UTP25: variants seen among roughly 807,000 people sequenced by gnomAD.
UTP25 encodes the protein UTP25 small subunit processome component, also known as U3 small nucleolar RNA-associated protein 25 homolog.
In UTP25, 50 loss-of-function variants were observed where a neutral mutation model predicts 78.9. The ratio of observed to expected loss-of-function variants is 0.63; its 90% CI spans 0.50 to 0.80. The LOEUF (loss-of-function observed/expected upper bound fraction) is 0.80, where lower values mean the gene tolerates loss of function less well. UTP25 is among the 30% of genes least tolerant of loss of function. UTP25 has a pLI of 0.00. For missense variants in UTP25, 846 were observed against 911.3 expected (o/e 0.93, Z 0.92); for synonymous variants, 329 against 336.5 (o/e 0.98, Z 0.24).
rs759923130 is a variant in UTP25 at position 209,830,760 on chromosome 1, A to G, written c.148-43A>G. The G allele has an allele frequency of 3.1e-6, 5 of 1,599,148 alleles. No homozygotes were observed. In the Admixed American group the frequency reaches 6.9e-5, roughly 22 times the overall value. ...ATGATAGTTTTAGGGTAACAATAAG[A>G]ACAATATAGTTTTTGTTCTTAAAAT... is the stretch of plus-strand genomic sequence containing the variant. On this transcript the variant is annotated intron_variant, in intron 2 of 11. Transcript: ENST00000491415.
chr1:209,828,661 C>T (rs2078084637), intron 1 of UTP25, among the ~76,000 whole-genome samples: 1 of 151,744 alleles, frequency 6.6e-6, no homozygotes, highest in South Asian at 2.1e-4. Flanking sequence ...ACCTCGGCCT[C>T]CCAAAGTGCT....
At chr1:209,840,379 G>A (rs939708114) in intron 7 of UTP25, among the ~76,000 whole-genome samples, 1 of 152,210 alleles carries the variant, frequency 6.6e-6, no homozygotes, top group Non-Finnish European at 1.5e-5. Context: ...AAAAGTGAGA[G>A]TTGAAGTCAT....
At chr1:209,836,224 C>A (rs368127718) in intron 5 of UTP25, among the ~76,000 whole-genome samples, 25 of 152,056 alleles carry the variant, frequency 1.6e-4, no homozygotes, top group African/African-American at 5.5e-4. Context: ...TAATTTATTT[C>A]TTTTTATTGC....
Position 209,840,878 on chromosome 1 carries a change from C to T in UTP25, c.1308C>T (p.Ile436=), listed in dbSNP as rs574677839. ...GAGTGGCAATACTTCAGAGAAGCAT[C>T]CGACTCTATGCCCCGTTTTACTCCT... is the stretch of plus-strand genomic sequence containing the variant. ...RIGVAILQRS[I]RLYAPFYSSD... The change falls in exon 8 of 12, where the codon ATC becomes ATT. Residue 436 remains isoleucine (I), a synonymous_variant. Coordinates refer to ENST00000491415, the MANE Select transcript of UTP25 (RefSeq NM_014388.7). 6.2e-7 allele frequency: 1 copy of T among 1,612,780 alleles called. No individual in the cohort carries two copies. The highest frequency in any genetic ancestry group is 1.1e-5 in the South Asian group (1 of 91,022).
intron 1 of UTP25, among the ~76,000 whole-genome samples, chr1:209,828,693 C>A (rs978024343): frequency 1.3e-5 from 2 of 151,228 alleles, no homozygotes; most frequent in African/African-American, 2.4e-5. Context: ...CGTGAGCCAC[C>A]GCGCCCAGCT....
chr1:209,847,138 C>T (rs760849657), intron 11 of UTP25, among the ~76,000 whole-genome samples: 3 of 151,592 alleles, frequency 2.0e-5, no homozygotes, highest in Non-Finnish European at 2.9e-5. Context: ...TAAAAAAATT[C>T]AAAGACTAAC....
chr1:209,853,601 G>C lies in UTP25; in HGVS notation c.*2154G>C, dbSNP rs2078253959. ...TCAAACTCTTGACCTCAAGTGATCTGCCCACCTCAGCCTCCCAAAGTGCTG... is the reference window on the plus strand; with the variant it reads ...TCAAACTCTTGACCTCAAGTGATCTCCCCACCTCAGCCTCCCAAAGTGCTG... On this transcript the variant is annotated 3_prime_UTR_variant, in exon 12 of 12. Transcript: ENST00000491415. 6.6e-6 allele frequency: 1 copy of C among 152,170 alleles called. No individual in the cohort carries two copies. Among genetic ancestry groups the C allele is most frequent in the Non-Finnish European group, 1.5e-5 (1 of 68,074 alleles). The allele number at this position is 152,170 out of a possible 1,614,324, so 9.4% of individuals were successfully genotyped here.
chr1:209,849,911 G>C (rs1262126679), intron 11 of UTP25, among the ~76,000 whole-genome samples: 1 of 152,202 alleles, frequency 6.6e-6, no homozygotes, highest in African/African-American at 2.4e-5. Context: ...TCCATGGTGA[G>C]CTGAAGCTGG....
chr1:209,830,946 C>T lies in UTP25; in HGVS notation c.291C>T (p.Asp97=). Residue 97 remains aspartate, a synonymous_variant, in exon 3 of 12, where the codon GAC becomes GAT. Coordinates refer to ENST00000491415, the MANE Select transcript of UTP25 (RefSeq NM_014388.7). ...ATGAGGAGGAGGAAGAGGAAGAAGA[C>T]AGTATTGTAGATGATGCAGAAATGA... ...EEDEEEEEEE[D]SIVDDAEMND... 6.2e-7 allele frequency: 1 copy of T among 1,613,612 alleles called. No individual in the cohort carries two copies. The highest frequency in any genetic ancestry group is 8.5e-7 in the Non-Finnish European group (1 of 1,179,580).
chr1:209,848,824 T>G (rs978886435), intron 11 of UTP25, among the ~76,000 whole-genome samples: 1 of 152,206 alleles, frequency 6.6e-6, no homozygotes, highest in Non-Finnish European at 1.5e-5. Context: ...CAATGGAATG[T>G]AGAGGCTGAA....
intron 9 of UTP25, 32 bp from the exon 10 acceptor site, chr1:209,842,551 G>GTGTCCCGTTTT: frequency 6.2e-7 from 1 of 1,611,310 alleles, no homozygotes; most frequent in Non-Finnish European, 8.5e-7. Flanking sequence ...GGGGATGGCT[G>GTGTCCCGTTTT]TCCACCTAAC....
chr1:209,839,233 T>C, intron 7 of UTP25, 105 bp downstream of exon 7: 1 of 1,054,562 alleles, frequency 9.5e-7, no homozygotes, highest in Admixed American at 2.5e-5. Context: ...TCACTGTGCC[T>C]CTTTAACAGA....
intron 3 of UTP25, among the ~76,000 whole-genome samples, chr1:209,832,479 C>G (rs914566986): frequency 6.6e-6 from 1 of 152,186 alleles, no homozygotes; most frequent in African/African-American, 2.4e-5. Flanking sequence ...TGAACATCCT[C>G]TCATGTACAT....
rs994206198 is a variant in UTP25, at chr1:209,833,419, A to G, written c.562+61A>G. 5.1e-6 allele frequency: 7 copies of G among 1,372,684 alleles called. No homozygotes were observed. In the African/African-American group the frequency reaches 1.0e-4, roughly 20 times the overall value. 85.0% of individuals were successfully genotyped at this position (1,372,684 alleles called of 1,614,324 possible). A position where few individuals can be genotyped will look rare whatever the true frequency, so the allele number is the denominator to read the frequency against. Reference sequence around the variant, plus strand: ...GTGCTTAGTATGGAATTTGTGTACTAATACACATTGAATCTATTATTGGAA... The same window carrying G: ...GTGCTTAGTATGGAATTTGTGTACTGATACACATTGAATCTATTATTGGAA... On this transcript the variant is annotated intron_variant, in intron 4 of 11. Coordinates refer to ENST00000491415, the MANE Select transcript of UTP25 (RefSeq NM_014388.7).
intron 11 of UTP25, among the ~76,000 whole-genome samples, chr1:209,846,750 C>T (rs971063579): frequency 6.6e-6 from 1 of 152,190 alleles, no homozygotes; most frequent in Admixed American, 6.5e-5. Flanking sequence ...CTAACTGCCC[C>T]TTGGAAGAGG....
At chr1:209,835,708 A>G (rs1425230942) in intron 5 of UTP25, among the ~76,000 whole-genome samples, 1 of 151,970 alleles carries the variant, frequency 6.6e-6, no homozygotes, top group African/African-American at 2.4e-5. Context: ...TTTAATTGAA[A>G]TTTTTATTGA....
In UTP25 at chr1:209,857,466, CTTA is replaced by C. The variant is rs2078286522; in HGVS notation, c.*6021_*6023del. 1 of 152,076 alleles carries C rather than the reference CTTA, an allele frequency of 6.6e-6. No individual in the cohort carries two copies. The highest frequency in any genetic ancestry group is 2.1e-4 in the South Asian group (1 of 4,820). 9.4% of individuals were successfully genotyped at this position (152,076 alleles called of 1,614,324 possible). Reference sequence around the variant, plus strand: ...TCTATTTGGTGATCATTATTAATGTCTTATGTTTCCTCCCAGATTGTTTTCTGC... The same window carrying C: ...TCTATTTGGTGATCATTATTAATGTCTGTTTCCTCCCAGATTGTTTTCTGC... On this transcript the variant is annotated 3_prime_UTR_variant, in exon 12 of 12. Transcript: ENST00000491415.
chr1:209,848,234 T>C (rs1005598490), intron 11 of UTP25, among the ~76,000 whole-genome samples: 2 of 152,254 alleles, frequency 1.3e-5, no homozygotes, highest in Admixed American at 1.3e-4. Flanking sequence ...TTAGAATAAA[T>C]ATCTTTTGAT....
At chr1:209,848,627 G>A (rs1197067809) in intron 11 of UTP25, among the ~76,000 whole-genome samples, 5 of 152,142 alleles carry the variant, frequency 3.3e-5, no homozygotes, top group African/African-American at 1.2e-4. Context: ...GTCATGCGTT[G>A]CCACTTATTT....
Sources: allele counts gnomAD v4.1 joint callset (sites outside exome capture counted in the v4.1 genomes callset), GRCh38; gene constraint gnomAD v4.1.1; transcripts MANE v1.5; gene names NCBI Gene and HGNC (gene_info 2026-07-23, HGNC 2026-07-21).